The following KDM4C variants were observed in gnomAD, a reference collection of about 807,000 sequenced individuals.
KDM4C encodes the protein lysine demethylase 4C, also known as lysine-specific demethylase 4C.
A neutral mutation model predicts 129.3 loss-of-function variants in KDM4C; 81 were observed. The ratio of observed to expected loss-of-function variants is 0.63; its 90% confidence interval spans 0.52 to 0.75. The LOEUF is 0.75. Ranked by LOEUF, KDM4C falls within the 30% of genes least tolerant of loss-of-function variation. KDM4C has a pLI of 0.00. For missense variants in KDM4C, 1,457 were observed against 1,304.0 expected (o/e 1.12, Z -1.81); for synonymous variants, 573 against 456.1 (o/e 1.26, Z -3.26).
intron 1 of KDM4C, among the ~76,000 whole-genome samples, chr9:6,732,173 T>C (rs113202382): frequency 7.0e-4 from 106 of 151,530 alleles, no homozygotes; most frequent in South Asian, 8.4e-4. Flanking sequence ...GAGACCATCC[T>C]GGCTAACACA....
rs115002930 is a variant in KDM4C at position 7,117,477 on chromosome 9, A to G, written c.2611-10589A>G. ...TCAGACGTCATTTAAAGGAAATATTACCTTATTGTTGAGTAAATGCTTTCC... is the reference window on the plus strand; with the variant it reads ...TCAGACGTCATTTAAAGGAAATATTGCCTTATTGTTGAGTAAATGCTTTCC... On this transcript the variant is annotated intron_variant, in intron 18 of 21. Coordinates refer to ENST00000381309, the MANE Select transcript of KDM4C (RefSeq NM_015061.6). Among the ~76,000 whole-genome samples, 1,192 of 152,032 alleles carry G rather than the reference A, an allele frequency of 7.8e-3. 17 individuals are homozygous for G. The highest frequency in any genetic ancestry group is 0.027 in the African/African-American group (1,101 of 41,482).
At chr9:7,132,834 C>T (rs965325735) in intron 19 of KDM4C, among the ~76,000 whole-genome samples, 1 of 152,298 alleles carries the variant, frequency 6.6e-6, no homozygotes, top group African/African-American at 2.4e-5. Context: ...ACGGTGGACA[C>T]TTGAGTTCTC....
At position 7,151,082 on chromosome 9, in the gene KDM4C, A is replaced by C. The variant is rs1340636613; in HGVS notation, c.2782-14156A>C. 2.0e-5 allele frequency among the ~76,000 whole-genome samples: 3 copies of C among 150,370 alleles called. No individual in the cohort carries two copies. The East Asian group carries it at 6.0e-4, about 30-fold the overall frequency. ...TCCCAGCACTTTGGGAGGCTGAAGCAGGAGGACCTTTTGAGGGCAGGAGTT... is the reference window on the plus strand; with the variant it reads ...TCCCAGCACTTTGGGAGGCTGAAGCCGGAGGACCTTTTGAGGGCAGGAGTT... On this transcript the variant is annotated intron_variant, in intron 19 of 21. Coordinates refer to ENST00000381309, the MANE Select transcript of KDM4C (RefSeq NM_015061.6).
At chr9:6,972,409 A>C (rs1420579576) in intron 8 of KDM4C, among the ~76,000 whole-genome samples, 1 of 152,118 alleles carries the variant, frequency 6.6e-6, no homozygotes, top group East Asian at 1.9e-4. Context: ...TTATACCATA[A>C]TTTTTTAAAG....
intron 9 of KDM4C, among the ~76,000 whole-genome samples, chr9:6,983,686 A>G (rs945409620): frequency 3.3e-5 from 5 of 152,134 alleles, no homozygotes; most frequent in Admixed American, 3.3e-4. Flanking sequence ...ATTTTCATAC[A>G]TACCTGACAA....
intron 8 of KDM4C, among the ~76,000 whole-genome samples, chr9:6,911,704 T>G (rs1819343606): frequency 6.6e-6 from 1 of 152,204 alleles, no homozygotes; most frequent in Non-Finnish European, 1.5e-5. Context: ...ATCTAAAAAC[T>G]TAATTAAATT....
At chr9:6,869,293 G>C (rs1368653107) in intron 5 of KDM4C, among the ~76,000 whole-genome samples, 2 of 152,162 alleles carry the variant, frequency 1.3e-5, no homozygotes, top group Non-Finnish European at 2.9e-5. Flanking sequence ...AGCTCTAGCT[G>C]AGTTCCTTTT....
chr9:7,023,496 A>G (rs1825246229), intron 15 of KDM4C, among the ~76,000 whole-genome samples: 1 of 151,652 alleles, frequency 6.6e-6, no homozygotes, highest in Non-Finnish European at 1.5e-5. Context: ...CTCCTTTTTC[A>G]TCTCTGATTT....
At position 6,943,999 on chromosome 9, in the gene KDM4C, C is replaced by G. The variant is rs367907255; in HGVS notation, c.922-36926C>G. Among the ~76,000 whole-genome samples the G allele has an allele frequency of 5.3e-5, 8 of 152,216 alleles. No homozygotes were observed. The South Asian group carries it at 1.5e-3, about 28-fold the overall frequency. Reference sequence around the variant, plus strand: ...GATCCTTGCTAATTTTCAGTCATGTCGGGCCTATTTAAATGTAAAAATGTC... The same window carrying G: ...GATCCTTGCTAATTTTCAGTCATGTGGGGCCTATTTAAATGTAAAAATGTC... On this transcript the variant is annotated intron_variant, in intron 8 of 21. Transcript: ENST00000381309.
intron 7 of KDM4C, among the ~76,000 whole-genome samples, chr9:6,889,252 G>GTGTGTGTGTGGGGGTGTGT (rs747649175): frequency 1.3e-5 from 1 of 75,004 alleles, no homozygotes; most frequent in African/African-American, 5.5e-5. Context: ...TGTGTGTGTG[G>GTGTGTGTGTGGGGGTGTGT]GAGGGTGGGG....
intron 8 of KDM4C, among the ~76,000 whole-genome samples, chr9:6,933,937 C>A (rs1007217285): frequency 6.6e-6 from 1 of 151,942 alleles, no homozygotes; most frequent in Non-Finnish European, 1.5e-5. Flanking sequence ...ACAATCTCCA[C>A]CTGCTGGGTT....
intron 19 of KDM4C, among the ~76,000 whole-genome samples, chr9:7,133,928 A>G (rs1483615092): frequency 6.6e-6 from 1 of 152,134 alleles, no homozygotes; most frequent in African/African-American, 2.4e-5. Flanking sequence ...GGTGTCCTAG[A>G]TGTTCAGGTC....
chr9:6,783,039 G>A (rs1243043612), intron 1 of KDM4C, among the ~76,000 whole-genome samples: 2 of 152,210 alleles, frequency 1.3e-5, no homozygotes. Context: ...GGATTCTGAT[G>A]TTGGCCGTGC....
intron 15 of KDM4C, among the ~76,000 whole-genome samples, chr9:7,021,393 C>T (rs1312544650): frequency 2.0e-5 from 3 of 152,046 alleles, no homozygotes; most frequent in Non-Finnish European, 4.4e-5. Context: ...GATCTGCCTT[C>T]GTCGGCCTCC....
At chr9:6,780,183 A>G (rs1455409918) in intron 1 of KDM4C, among the ~76,000 whole-genome samples, 1 of 152,138 alleles carries the variant, frequency 6.6e-6, no homozygotes, top group Non-Finnish European at 1.5e-5. Flanking sequence ...AGTATTTCCC[A>G]TCCAGTTTAT....
intron 17 of KDM4C, among the ~76,000 whole-genome samples, chr9:7,069,507 G>A (rs1832908462): frequency 6.6e-6 from 1 of 152,118 alleles, no homozygotes; most frequent in African/African-American, 2.4e-5. Flanking sequence ...GCAAGACCCT[G>A]TTTCTAAAAG....
Position 6,993,054 on chromosome 9 carries a change from A to G in KDM4C, c.1786+2530A>G, listed in dbSNP as rs1351968476. The stretch of plus-strand genomic sequence containing the variant: ...ACCCAAATAACCTGAAACACCATAG[A>G]TCATTCTGACTGGTGGCACATCCTG... On this transcript the variant is annotated intron_variant, in intron 12 of 21. Transcript: ENST00000381309. Among the ~76,000 whole-genome samples, 3 of 152,218 alleles carry G rather than the reference A, an allele frequency of 2.0e-5. No homozygotes were observed. The East Asian group carries it at 5.8e-4, about 29-fold the overall frequency.
intron 1 of KDM4C, among the ~76,000 whole-genome samples, chr9:6,784,395 A>G (rs1416303250): frequency 6.6e-6 from 1 of 151,846 alleles, no homozygotes; most frequent in South Asian, 2.1e-4. Context: ...TGCCTGGCTA[A>G]TTTTTTTTGT....
At position 7,165,384 on chromosome 9, in the gene KDM4C, T is replaced by A. The variant is rs755214210; in HGVS notation, c.2901+27T>A. The A allele has an allele frequency of 1.7e-5, 28 of 1,609,716 alleles. No individual in the cohort carries two copies. The East Asian group carries it at 2.5e-4, about 14-fold the overall frequency. On this transcript the variant is annotated intron_variant, in intron 20 of 21. Transcript: ENST00000381309. ...TGGGTTCTTCCTTCTCTGTGATGCTTGCTAAGATTGACATGATAAGTCAGA... is the reference window on the plus strand; with the variant it reads ...TGGGTTCTTCCTTCTCTGTGATGCTAGCTAAGATTGACATGATAAGTCAGA...
Sources: allele counts gnomAD v4.1 joint callset (sites outside exome capture counted in the v4.1 genomes callset), GRCh38; gene constraint gnomAD v4.1.1; transcripts MANE v1.5; gene names NCBI Gene and HGNC (gene_info 2026-07-23, HGNC 2026-07-21).